Variants in ZNF682 observed in about 807,000 individuals in gnomAD.
ZNF682 encodes the protein zinc finger protein 682.
In ZNF682, 29 loss-of-function variants were observed where a neutral mutation model predicts 36.5. The observed-to-expected ratio is 0.80, with a 90% confidence interval of 0.59 to 1.08. The LOEUF (loss-of-function observed/expected upper bound fraction) is 1.08, where lower values mean the gene tolerates loss of function less well. Among genes scored for constraint, ZNF682 ranks in the 50% least tolerant of loss-of-function variants. The probability of loss-of-function intolerance (pLI) is 0.00; values close to 1 mark genes in which losing one functional copy is unlikely to be tolerated. For synonymous variants in ZNF682, 180 were observed against 197.0 expected, an observed-to-expected ratio of 0.91 and a Z score of 0.72; for missense variants, 561 against 579.7, an observed-to-expected ratio of 0.97 and a Z score of 0.33.
chr19:20,039,372 T>C lies in ZNF682; in HGVS notation c.-27A>G. Reference sequence around the variant, plus strand: ...TTTCGGCTTCCGGGATGTCGTGGAGTCTTAGCTCTGGATCTCACAGCATCT... The same window carrying C: ...TTTCGGCTTCCGGGATGTCGTGGAGCCTTAGCTCTGGATCTCACAGCATCT... On this transcript the variant is annotated 5_prime_UTR_variant, in exon 1 of 4. Transcript: ENST00000397165. 6.2e-7 allele frequency: 1 copy of C among 1,610,556 alleles called. No homozygotes were observed. Among genetic ancestry groups the C allele is most frequent in the Non-Finnish European group, 8.5e-7 (1 of 1,179,726 alleles).
At chr19:20,014,681 G>A (rs1372791341) in intron 3 of ZNF682, among the ~76,000 whole-genome samples, 4 of 151,584 alleles carry the variant, frequency 2.6e-5, no homozygotes, top group Admixed American at 2.6e-4. Context: ...TCAGGAGGCT[G>A]AGGCAGGGGA....
At chr19:20,028,085 A>T (rs531372180) in intron 1 of ZNF682, among the ~76,000 whole-genome samples, 1 of 152,358 alleles carries the variant, frequency 6.6e-6, no homozygotes, top group Admixed American at 6.5e-5. Context: ...GTATTTCTTC[A>T]AACTGGCCAT....
intron 3 of ZNF682, chr19:20,008,214 G>C (rs1187635998): frequency 6.6e-6 from 1 of 152,298 alleles, no homozygotes; most frequent in African/African-American, 2.4e-5. Flanking sequence ...AGCCAGCATG[G>C]GAGCTGAGTT....
At chr19:20,039,030 G>C (rs2088559595) in intron 1 of ZNF682, 1 of 793,228 alleles carries the variant, frequency 1.3e-6, no homozygotes, top group Admixed American at 3.3e-5. Context: ...CACGGGGTCT[G>C]GACTCTGCCC....
intron 3 of ZNF682, among the ~76,000 whole-genome samples, chr19:20,018,255 G>C (rs940993004): frequency 6.6e-6 from 1 of 150,798 alleles, no homozygotes; most frequent in African/African-American, 2.4e-5. Context: ...CACTACGCCC[G>C]GCTAATTTTT....
chr19:20,023,178 G>A, intron 2 of ZNF682, 79 bp from the exon 3 acceptor site: 1 of 1,277,300 alleles, frequency 7.8e-7, no homozygotes, highest in Non-Finnish European at 1.1e-6. Context: ...CTGTAGATAA[G>A]AGAGAATATT....
At chr19:20,018,241 C>T (rs1271904995) in intron 3 of ZNF682, among the ~76,000 whole-genome samples, 1 of 150,740 alleles carries the variant, frequency 6.6e-6, no homozygotes, top group South Asian at 2.1e-4. Flanking sequence ...CTACAGGCGC[C>T]CGCCACTACG....
At chr19:20,030,450 A>G (rs2088470304) in intron 1 of ZNF682, among the ~76,000 whole-genome samples, 1 of 152,110 alleles carries the variant, frequency 6.6e-6, no homozygotes, top group Admixed American at 6.6e-5. Context: ...CACGCCTGTA[A>G]TCCCAGCTAC....
At chr19:20,027,779 C>G (rs1445336995) in intron 1 of ZNF682, among the ~76,000 whole-genome samples, 4 of 46,906 alleles carry the variant, frequency 8.5e-5, no homozygotes, top group African/African-American at 2.3e-4. Flanking sequence ...AAAAGAAAAA[C>G]AAAAACAAAA....
intron 3 of ZNF682, among the ~76,000 whole-genome samples, chr19:19,998,062 T>C (rs2088138652): frequency 1.3e-5 from 2 of 152,186 alleles, no homozygotes; most frequent in Admixed American, 6.6e-5. Flanking sequence ...ACTCACCCTG[T>C]GCCAGCTACC....
At chr19:20,008,380 A>T (rs180917582) in intron 3 of ZNF682, among the ~76,000 whole-genome samples, 3 of 152,352 alleles carry the variant, frequency 2.0e-5, no homozygotes, top group Admixed American at 2.0e-4. Context: ...GCCTGCTCCC[A>T]GGGAAGACAC....
intron 3 of ZNF682, among the ~76,000 whole-genome samples, chr19:20,009,332 A>G (rs1021916608): frequency 3.3e-5 from 5 of 152,228 alleles, no homozygotes; most frequent in African/African-American, 1.2e-4. Context: ...TAAAGAAAAA[A>G]GAATTCACTA....
In ZNF682 at chr19:20,027,740, C is replaced by G. The variant is rs2088444186; in HGVS notation, c.4-3364G>C. ...CACCATTGCACTCCAGCCTGGGCAA[C>G]AAGAGCGAAACTCCATCTAAAAAAA... is the stretch of plus-strand genomic sequence containing the variant. On this transcript the variant is annotated intron_variant, in intron 1 of 3. Coordinates refer to ENST00000397165, the MANE Select transcript of ZNF682 (RefSeq NM_033196.3). Among the ~76,000 whole-genome samples the G allele has an allele frequency of 2.0e-5, 3 of 149,052 alleles. No individual in the cohort carries two copies. In the East Asian group the frequency reaches 5.9e-4, roughly 30 times the overall value.
At chr19:20,008,998 G>C (rs1375190904) in intron 3 of ZNF682, among the ~76,000 whole-genome samples, 1 of 151,840 alleles carries the variant, frequency 6.6e-6, no homozygotes, top group East Asian at 1.9e-4. Flanking sequence ...ATACACCACA[G>C]CCAAACCCTC....
intron 3 of ZNF682, among the ~76,000 whole-genome samples, chr19:19,998,720 T>C (rs145443325): frequency 0.027 from 4,157 of 152,114 alleles, 83 homozygotes; most frequent in Middle Eastern, 0.041. Flanking sequence ...CCACGTTTCT[T>C]CCATCTATTG....
At chr19:20,020,997 C>A (rs1313291734) in intron 3 of ZNF682, among the ~76,000 whole-genome samples, 2 of 152,138 alleles carry the variant, frequency 1.3e-5, no homozygotes, top group Non-Finnish European at 2.9e-5. Flanking sequence ...AGCATCATGG[C>A]TATAGTTAAT....
At chr19:20,028,500 C>T (rs139174201) in intron 1 of ZNF682, among the ~76,000 whole-genome samples, 1 of 152,292 alleles carries the variant, frequency 6.6e-6, no homozygotes, top group Non-Finnish European at 1.5e-5. Flanking sequence ...GTGTGAGTCA[C>T]CGTGCCCAGT....
At position 20,005,773 on chromosome 19, in the gene ZNF682, C is replaced by T; in HGVS notation, c.*232G>A. ...GCACAAAACCTCTGATGAGTAAGTT[C>T]ATAGTAGTTATTAAATGCTTTGCCA... is the stretch of plus-strand genomic sequence containing the variant. On this transcript the variant is annotated 3_prime_UTR_variant, in exon 4 of 4. Coordinates refer to ENST00000397165, the MANE Select transcript of ZNF682 (RefSeq NM_033196.3). 1 of 532,304 alleles carries T rather than the reference C, an allele frequency of 1.9e-6. No homozygotes were observed. The highest frequency in any genetic ancestry group is 1.9e-5 in the African/African-American group (1 of 51,948). The allele number at this position is 532,304 out of a possible 1,614,324, so 33.0% of individuals were successfully genotyped here. A position where few individuals can be genotyped will look rare whatever the true frequency, so the allele number is the denominator to read the frequency against.
In ZNF682 at chr19:20,007,007, T is replaced by C; in HGVS notation, c.495A>G (p.Ile165Met). 1 of 1,613,256 alleles carries C rather than the reference T, an allele frequency of 6.2e-7. No individual in the cohort carries two copies. The highest frequency in any genetic ancestry group is 8.5e-7 in the Non-Finnish European group (1 of 1,179,488). ...SKSSNLNRENIRHTTEKLFKC... is the reference protein window; with the variant it reads ...SKSSNLNRENMRHTTEKLFKC... ...TGAAAAGTTTCTCTGTAGTATGTCT[T>C]ATGTTTTCTCTATTTAGATTTGATG... The change falls in exon 4 of 4, where the codon ATA becomes ATG. Residue 165 changes from isoleucine to methionine, a missense_variant. By Grantham distance (10) the Ile-to-Met change is conservative (BLOSUM62 1). Transcript: ENST00000397165.
Sources: gnomAD v4.1 joint callset for allele counts (sites outside exome capture counted in the v4.1 genomes callset) on GRCh38, gnomAD v4.1.1 for gene constraint, MANE v1.5 for transcripts, NCBI Gene and HGNC (gene_info 2026-07-23, HGNC 2026-07-21) for gene names.